ANKS1A: variants seen among roughly 807,000 people sequenced by gnomAD.
ANKS1A encodes the protein ankyrin repeat and SAM domain-containing protein 1A.
ANKS1A carries 55 observed loss-of-function variants against 120.3 expected under a neutral mutation model. The observed-to-expected ratio is 0.46, with a 90% CI of 0.37 to 0.57. The LOEUF is 0.57. Ranked by LOEUF, ANKS1A falls within the 20% of genes least tolerant of loss-of-function variation. The pLI is 0.00. For missense variants in ANKS1A, 1,123 were observed against 1,480.3 expected (o/e 0.76, Z 3.96); for synonymous variants, 590 against 604.7 (o/e 0.98, Z 0.36).
intron 1 of ANKS1A, among the ~76,000 whole-genome samples, chr6:34,891,732 G>A (rs1766833243): frequency 6.6e-6 from 1 of 152,138 alleles, no homozygotes; most frequent in Non-Finnish European, 1.5e-5. Context: ...GGGTTCAAGC[G>A]ATTCTCCTGC....
intron 1 of ANKS1A, among the ~76,000 whole-genome samples, chr6:34,929,527 C>G (rs1208599248): frequency 6.6e-6 from 1 of 152,240 alleles, no homozygotes; most frequent in East Asian, 1.9e-4. Flanking sequence ...TCTAGTGGTG[C>G]AGTTTTGTTT....
intron 13 of ANKS1A, among the ~76,000 whole-genome samples, chr6:35,074,273 G>A (rs1030876024): frequency 4.6e-5 from 7 of 152,232 alleles, no homozygotes; most frequent in African/African-American, 1.7e-4. Context: ...CAGCTCAGCC[G>A]TTCGCTTTGG....
intron 1 of ANKS1A, among the ~76,000 whole-genome samples, chr6:34,891,702 AC>A (rs1238113819): frequency 6.6e-6 from 1 of 151,630 alleles, no homozygotes; most frequent in East Asian, 1.9e-4. Context: ...ATCTCAGCTC[AC>A]TGCAACCTTC....
In ANKS1A at chr6:35,086,863, A is replaced by G; in HGVS notation, c.3304-89A>G. ...GGCTGCCCCTCCCAGCACAGGGGCCACAGCCTGGCCTGGGGGTGGGAGGGG... is the reference window on the plus strand; with the variant it reads ...GGCTGCCCCTCCCAGCACAGGGGCCGCAGCCTGGCCTGGGGGTGGGAGGGG... On this transcript the variant is annotated intron_variant, in intron 22 of 23. Transcript: ENST00000360359. This position sits in a 1 kb window ranked among gnomAD's most constrained non-coding sequence, Gnocchi z 5.1. The G allele has an allele frequency of 2.3e-6, 3 of 1,319,702 alleles. No individual in the cohort carries two copies. The highest frequency in any genetic ancestry group is 3.4e-5 in the Admixed American group (2 of 59,462). 81.7% of individuals were successfully genotyped at this position (1,319,702 alleles called of 1,614,324 possible).
chr6:35,090,115 TG>T lies in ANKS1A; in HGVS notation c.*1510del, dbSNP rs1778218098. The T allele has an allele frequency of 2.3e-6, 3 of 1,289,238 alleles. No individual in the cohort carries two copies. The highest frequency in any genetic ancestry group is 2.3e-5 in the Admixed American group (1 of 43,548). The allele number at this position is 1,289,238 out of a possible 1,614,324, so 79.9% of individuals were successfully genotyped here. A position where few individuals can be genotyped will look rare whatever the true frequency, so the allele number is the denominator to read the frequency against. On this transcript the variant is annotated 3_prime_UTR_variant, in exon 24 of 24. Transcript: ENST00000360359. ...TCTATCTGCTAAGCACCCAGCAGGTTGGGGCCTGGGACTCAGCTCTCTCTGC... is the reference window on the plus strand; with the variant it reads ...TCTATCTGCTAAGCACCCAGCAGGTTGGGCCTGGGACTCAGCTCTCTCTGC...
chr6:34,906,870 G>T (rs1031708540), intron 1 of ANKS1A, among the ~76,000 whole-genome samples: 1 of 152,162 alleles, frequency 6.6e-6, no homozygotes, highest in African/African-American at 2.4e-5. Flanking sequence ...TTAGAAACTG[G>T]CGTCCAAATA....
At chr6:35,061,250 G>C (rs1259973657) in intron 13 of ANKS1A, among the ~76,000 whole-genome samples, 2 of 152,208 alleles carry the variant, frequency 1.3e-5, no homozygotes, top group Non-Finnish European at 2.9e-5. Flanking sequence ...TGGAGATCAG[G>C]CTCCAGCCAC....
intron 1 of ANKS1A, among the ~76,000 whole-genome samples, chr6:34,934,713 C>T (rs1769163355): frequency 6.6e-6 from 1 of 152,140 alleles, no homozygotes; most frequent in Admixed American, 6.5e-5. Context: ...TGGCTCTGAC[C>T]CAGCTTCCCT....
At chr6:34,989,440 A>G in intron 9 of ANKS1A, 124 bp downstream of exon 9, 3 of 882,862 alleles carry the variant, frequency 3.4e-6, no homozygotes, top group Middle Eastern at 4.7e-4. Flanking sequence ...ATAAATTTGT[A>G]TTATGTGTAC....
chr6:35,080,561 T>C (rs1262854753), intron 16 of ANKS1A, among the ~76,000 whole-genome samples: 1 of 152,164 alleles, frequency 6.6e-6, no homozygotes, highest in African/African-American at 2.4e-5. Flanking sequence ...ATCCTCCTTT[T>C]ACAGATGAGA....
intron 10 of ANKS1A, among the ~76,000 whole-genome samples, chr6:35,001,250 A>T (rs1773150927): frequency 1.3e-5 from 2 of 152,256 alleles, no homozygotes; most frequent in African/African-American, 4.8e-5. Context: ...TGAAGGAAAC[A>T]TTCATTTTAC....
At chr6:34,932,370 A>C (rs1769028220) in intron 1 of ANKS1A, among the ~76,000 whole-genome samples, 1 of 152,036 alleles carries the variant, frequency 6.6e-6, no homozygotes, top group Non-Finnish European at 1.5e-5. Context: ...TTTAACAGAG[A>C]TAGGGTTTCA....
intron 1 of ANKS1A, among the ~76,000 whole-genome samples, chr6:34,945,640 C>T (rs1486425242): frequency 6.6e-6 from 1 of 152,134 alleles, no homozygotes; most frequent in Non-Finnish European, 1.5e-5. Context: ...ACTGGCATAC[C>T]TCATCTTTTA....
chr6:34,981,579 G>A, intron 3 of ANKS1A, 111 bp from the exon 4 acceptor site: 8 of 1,188,294 alleles, frequency 6.7e-6, no homozygotes, highest in Non-Finnish European at 9.5e-6. Flanking sequence ...GCCCCCAAGT[G>A]TTGCTGCTAT....
At chr6:34,963,603 A>G (rs1201020268) in intron 1 of ANKS1A, among the ~76,000 whole-genome samples, 3 of 152,236 alleles carry the variant, frequency 2.0e-5, no homozygotes, top group Non-Finnish European at 2.9e-5. Flanking sequence ...TATTTCTTCC[A>G]TATACTGATT....
chr6:35,066,560 G>T (rs376704914), intron 13 of ANKS1A, among the ~76,000 whole-genome samples: 1 of 151,946 alleles, frequency 6.6e-6, no homozygotes, highest in South Asian at 2.1e-4. Context: ...GGTCAGAGTG[G>T]GGGGGTGCTT....
intron 1 of ANKS1A, among the ~76,000 whole-genome samples, chr6:34,907,411 G>T (rs368594279): frequency 1.4e-3 from 208 of 152,202 alleles, no homozygotes; most frequent in African/African-American, 4.8e-3. Flanking sequence ...CAAAATCCTT[G>T]TATACTCAAG....
At chr6:35,034,922 CTTAAAGGGGATA>C (rs1469064586) in intron 11 of ANKS1A, among the ~76,000 whole-genome samples, 1 of 152,202 alleles carries the variant, frequency 6.6e-6, no homozygotes, top group Admixed American at 6.5e-5. Context: ...GATGCAAAAA[CTTAAAGGGGATA>C]TTTTACAAAA....
intron 13 of ANKS1A, among the ~76,000 whole-genome samples, chr6:35,062,944 C>A (rs1285746678): frequency 2.0e-5 from 3 of 152,212 alleles, no homozygotes; most frequent in Non-Finnish European, 2.9e-5. Flanking sequence ...TGGGACCACA[C>A]AGAACATGTT....
Sources: gnomAD v4.1 joint callset for allele counts (sites outside exome capture counted in the v4.1 genomes callset) on GRCh38, gnomAD v4.1.1 for gene constraint, Gnocchi (gnomAD v3.1) non-coding constraint, MANE v1.5 for transcripts, NCBI Gene and HGNC (gene_info 2026-07-23, HGNC 2026-07-21) for gene names.